SLC20A1: variants seen among roughly 807,000 people sequenced by gnomAD.
The protein encoded by SLC20A1 is sodium-dependent phosphate transporter 1.
Under a neutral mutation model 62.7 loss-of-function variants are expected in SLC20A1, and 28 were observed. The observed-to-expected ratio is 0.45, with a 90% CI of 0.33 to 0.61. The LOEUF is 0.61. Ranked by LOEUF, SLC20A1 falls within the 20% of genes least tolerant of loss-of-function variation. The pLI is 0.02. For synonymous variants in SLC20A1, 305 were observed against 302.9 expected (o/e 1.01, Z -0.07); for missense variants, 673 against 838.6 (o/e 0.80, Z 2.44).
chr2:112,658,533 G>A (rs553488914), intron 6 of SLC20A1: 15 of 308,332 alleles, frequency 4.9e-5, no homozygotes, highest in Non-Finnish European at 7.2e-5. Context: ...TCTGTAAAGG[G>A]TTGTAAAAAT....
At chr2:112,662,398 A>G (rs2104652295) in intron 10 of SLC20A1, among the ~76,000 whole-genome samples, 1 of 152,218 alleles carries the variant, frequency 6.6e-6, no homozygotes, top group East Asian at 1.9e-4. Context: ...TGGCCAACAT[A>G]GTGAAACCCC....
intron 10 of SLC20A1, among the ~76,000 whole-genome samples, chr2:112,662,230 T>G (rs72948489): frequency 1.7e-3 from 257 of 152,318 alleles, no homozygotes; most frequent in African/African-American, 5.8e-3. Context: ...TTATTAGGTT[T>G]AATATCAGCC....
intron 4 of SLC20A1, among the ~76,000 whole-genome samples, chr2:112,648,270 GC>G (rs1686340421): frequency 2.0e-5 from 3 of 152,200 alleles, no homozygotes; most frequent in Non-Finnish European, 2.9e-5. Flanking sequence ...TTTTTGGCCC[GC>G]CCCCCAAAAA....
intron 5 of SLC20A1, among the ~76,000 whole-genome samples, chr2:112,656,487 C>T (rs957597726): frequency 1.3e-5 from 2 of 152,194 alleles, no homozygotes; most frequent in Non-Finnish European, 2.9e-5. Flanking sequence ...AGGCATGAGC[C>T]ACCGTGCCTG....
rs1574177445 is a variant in SLC20A1 at position 112,646,737 on chromosome 2, T to C, written c.-92T>C. 2 of 642,844 alleles carry C rather than the reference T, an allele frequency of 3.1e-6. No individual in the cohort carries two copies. The highest frequency in any genetic ancestry group is 5.0e-6 in the Non-Finnish European group (2 of 402,856). 39.8% of individuals were successfully genotyped at this position (642,844 alleles called of 1,614,324 possible). ...ATTTAATTTTATATAATATATATTA[T>C]TTATTATAGCATTTTTGATACCTCA... On this transcript the variant is annotated 5_prime_UTR_variant, in exon 2 of 11. Coordinates refer to ENST00000272542, the MANE Select transcript of SLC20A1 (RefSeq NM_005415.5).
rs1686306319 is a variant in SLC20A1 at position 112,647,141 on chromosome 2, G to A, written c.313G>A (p.Gly105Ser). 2 of 1,613,724 alleles carry A rather than the reference G, an allele frequency of 1.2e-6. No individual in the cohort carries two copies. Among genetic ancestry groups the A allele is most frequent in the Non-Finnish European group, 8.5e-7 (1 of 1,179,644 alleles). ...CTCGACTCAAGGGCTGCTGATGGCC[G>A]GCTCAGTCAGTGCTATGTTTGGTAA... ...YNSTQGLLMA[G>S]SVSAMFGSAV... Residue 105 changes from glycine (G) to serine (S), a missense_variant, in exon 2 of 11, where the codon GGC (glycine) becomes AGC (serine). Transcript: ENST00000272542.
intron 4 of SLC20A1, chr2:112,652,453 G>A (rs1453616455): frequency 1.7e-5 from 9 of 532,300 alleles, no homozygotes; most frequent in African/African-American, 1.3e-4. Flanking sequence ...TATTCAGGAT[G>A]TTATCAGTCA....
chr2:112,646,556 C>T lies in SLC20A1; in HGVS notation c.-266-7C>T, dbSNP rs1000231411. ...GCAGCTATTGTTATTTCCCCCCTCCCCCGCAGGATGAACTTGCGTCCTTTC... is the reference window on the plus strand; with the variant it reads ...GCAGCTATTGTTATTTCCCCCCTCCTCCGCAGGATGAACTTGCGTCCTTTC... On this transcript the variant is annotated splice_region_variant and splice_polypyrimidine_tract_variant and intron_variant, in intron 1 of 10. Coordinates refer to ENST00000272542, the MANE Select transcript of SLC20A1 (RefSeq NM_005415.5). 10 of 164,402 alleles carry T rather than the reference C, an allele frequency of 6.1e-5. No homozygotes were observed. In the East Asian group the frequency reaches 1.7e-3, roughly 27 times the overall value. 10.2% of individuals were successfully genotyped at this position (164,402 alleles called of 1,614,324 possible).
rs1260300034 is a variant in SLC20A1, at chr2:112,647,139, C to T, written c.311C>T (p.Ala104Val). The T allele has an allele frequency of 1.2e-6, 2 of 1,613,706 alleles. No homozygotes were observed. Among genetic ancestry groups the T allele is most frequent in the East Asian group, 2.2e-5 (1 of 44,884 alleles). The stretch of plus-strand genomic sequence containing the variant: ...AACTCGACTCAAGGGCTGCTGATGG[C>T]CGGCTCAGTCAGTGCTATGTTTGGT... ...MYNSTQGLLM[A>V]GSVSAMFGSA... Residue 104 changes from alanine (A) to valine (V), a missense_variant, in exon 2 of 11, where the codon GCC becomes GTC. By Grantham distance (64) the Ala-to-Val change is moderately conservative. Coordinates refer to ENST00000272542, the MANE Select transcript of SLC20A1 (RefSeq NM_005415.5).
intron 4 of SLC20A1, 182 bp from the exon 5 acceptor site, chr2:112,652,520 G>A (rs1686469768): frequency 1.7e-6 from 1 of 587,250 alleles, no homozygotes. Flanking sequence ...GGTAGAAGTT[G>A]GAATTAGCCT....
In SLC20A1 at chr2:112,657,115, C is replaced by G; in HGVS notation, c.659-7C>G. The G allele has an allele frequency of 6.2e-7, 1 of 1,613,642 alleles. No homozygotes were observed. On this transcript the variant is annotated splice_polypyrimidine_tract_variant and splice_region_variant and intron_variant, in intron 5 of 10. Transcript: ENST00000272542. ...GGGTTTTCAAGATGCACCATTTTAT[C>G]TCCTAGTGCTGGGCTTTGACAAACT...
At chr2:112,662,303 C>T (rs1686770686) in intron 10 of SLC20A1, among the ~76,000 whole-genome samples, 1 of 152,180 alleles carries the variant, frequency 6.6e-6, no homozygotes, top group East Asian at 1.9e-4. Context: ...GTGTATAGGC[C>T]AGGTGCAGTG....
At chr2:112,654,895 C>A (rs1312154562) in intron 5 of SLC20A1, among the ~76,000 whole-genome samples, 594 of 112,108 alleles carry the variant, frequency 5.3e-3, no homozygotes, top group East Asian at 6.8e-3. Flanking sequence ...GATGCTGTCT[C>A]AAAAAAAAAA....
At chr2:112,658,679 G>T in intron 6 of SLC20A1, 146 bp from the exon 7 acceptor site, 1 of 896,834 alleles carries the variant, frequency 1.1e-6, no homozygotes, top group Non-Finnish European at 1.6e-6. Flanking sequence ...TGATAAAGCA[G>T]GCAGGAAAAA....
intron 5 of SLC20A1, among the ~76,000 whole-genome samples, chr2:112,655,254 C>T (rs532599547): frequency 8.0e-4 from 121 of 152,114 alleles, no homozygotes; most frequent in Non-Finnish European, 1.4e-3. Flanking sequence ...CAGGCGTGAG[C>T]TGCCGCGTCT....
intron 4 of SLC20A1, 42 bp from the exon 5 acceptor site, chr2:112,652,660 C>A (rs1414409692): frequency 6.6e-7 from 1 of 1,508,894 alleles, no homozygotes; most frequent in Non-Finnish European, 9.2e-7. Flanking sequence ...ATGGGTTAAC[C>A]TTTATACCTT....
chr2:112,651,485 C>T (rs1686433969), intron 4 of SLC20A1, among the ~76,000 whole-genome samples: 1 of 152,022 alleles, frequency 6.6e-6, no homozygotes, highest in Admixed American at 6.6e-5. Context: ...CTGACTGCAA[C>T]CTCTGTCTCC....
intron 9 of SLC20A1, 97 bp from the exon 10 acceptor site, chr2:112,661,045 A>G: frequency 1.2e-6 from 1 of 830,542 alleles, no homozygotes; most frequent in South Asian, 1.5e-5. Flanking sequence ...TTTGTGACTG[A>G]GTAGAACAAA....
rs1686739675 is a variant in SLC20A1, at chr2:112,661,185, G to A, written c.1837G>A (p.Ala613Thr). The stretch of plus-strand genomic sequence containing the variant: ...GGCATCTGCCCTCACTGTGGTGATT[G>A]CATCAAATATTGGCCTTCCCATCAG... ...ELASALTVVI[A>T]SNIGLPISTT... is the part of the protein sequence containing the mutation. The change falls in exon 10 of 11, where the codon GCA becomes ACA. Residue 613 changes from alanine to threonine, a missense_variant. Coordinates refer to ENST00000272542, the MANE Select transcript of SLC20A1 (RefSeq NM_005415.5). 6.2e-7 allele frequency: 1 copy of A among 1,614,000 alleles called. No individual in the cohort carries two copies. Among genetic ancestry groups the A allele is most frequent in the Non-Finnish European group, 8.5e-7 (1 of 1,179,876 alleles).
Sources: gnomAD v4.1 joint callset for allele counts (sites outside exome capture counted in the v4.1 genomes callset) on GRCh38, gnomAD v4.1.1 for gene constraint, MANE v1.5 for transcripts, NCBI Gene and HGNC (gene_info 2026-07-23, HGNC 2026-07-21) for gene names.